AGBL1: variants seen among roughly 807,000 people sequenced by gnomAD.
AGBL1 encodes the protein AGBL carboxypeptidase 1, also known as cytosolic carboxypeptidase 4.
A neutral mutation model predicts 118.9 loss-of-function variants in AGBL1; 130 were observed. That is an observed-to-expected ratio of 1.09 (90% CI 0.95 to 1.26). The LOEUF is 1.26. AGBL1 is among the 50% of genes most tolerant of loss of function. The probability of loss-of-function intolerance (pLI) is 0.00; values close to 1 mark genes in which losing one functional copy is unlikely to be tolerated. For synonymous variants in AGBL1, 555 were observed against 478.9 expected (o/e 1.16, Z -2.08); for missense variants, 1,584 against 1,298.1 (o/e 1.22, Z -3.38).
intron 21 of AGBL1, among the ~76,000 whole-genome samples, chr15:86,644,625 T>C (rs908416034): frequency 6.9e-6 from 1 of 145,300 alleles, no homozygotes; most frequent in African/African-American, 2.6e-5. Context: ...ATAAAACAAT[T>C]GGCCTGAACT....
At chr15:86,441,751 GTAA>G (rs2082067174) in intron 18 of AGBL1, among the ~76,000 whole-genome samples, 1 of 152,210 alleles carries the variant, frequency 6.6e-6, no homozygotes, top group Non-Finnish European at 1.5e-5. Flanking sequence ...AGAGATGAAT[GTAA>G]TAATAATGGA....
intron 7 of AGBL1, among the ~76,000 whole-genome samples, chr15:86,254,748 G>T (rs2068296105): frequency 2.0e-5 from 3 of 152,136 alleles, no homozygotes; most frequent in South Asian, 4.1e-4. Flanking sequence ...GAGAGCAAGT[G>T]CTTCCTGGGA....
At chr15:87,007,383 A>T (rs1207651832) in intron 24 of AGBL1, among the ~76,000 whole-genome samples, 2 of 152,226 alleles carry the variant, frequency 1.3e-5, no homozygotes, top group East Asian at 3.8e-4. Context: ...TTTTAGCTAA[A>T]CTATTTCCTC....
At chr15:86,781,872 G>A (rs1451054474) in intron 22 of AGBL1, among the ~76,000 whole-genome samples, 2 of 146,146 alleles carry the variant, frequency 1.4e-5, no homozygotes, top group African/African-American at 2.7e-5. Context: ...GAACAAGCAT[G>A]AGAGGTTTTG....
At chr15:86,905,198 G>A (rs933183827) in intron 22 of AGBL1, among the ~76,000 whole-genome samples, 3 of 152,192 alleles carry the variant, frequency 2.0e-5, no homozygotes, top group South Asian at 2.1e-4. Context: ...CAACAAGTAC[G>A]ACTTGACAAC....
intron 21 of AGBL1, among the ~76,000 whole-genome samples, chr15:86,586,061 C>T (rs1827220312): frequency 1.3e-5 from 2 of 152,192 alleles, no homozygotes; most frequent in Non-Finnish European, 2.9e-5. Context: ...CGAATAGAAC[C>T]ATGAATTCAG....
intron 21 of AGBL1, among the ~76,000 whole-genome samples, chr15:86,598,704 C>A (rs2084446293): frequency 6.6e-6 from 1 of 152,058 alleles, no homozygotes; most frequent in South Asian, 2.1e-4. Context: ...TCTGCACAAG[C>A]AATGGGTCAA....
At chr15:86,470,016 T>C (rs2082458957) in intron 18 of AGBL1, among the ~76,000 whole-genome samples, 2 of 152,190 alleles carry the variant, frequency 1.3e-5, no homozygotes, top group African/African-American at 4.8e-5. Flanking sequence ...TCCCCCATTC[T>C]GTAGGTTGTT....
In AGBL1 at chr15:86,629,897, G is replaced by C. The variant is rs566903101; in HGVS notation, c.2995-44376G>C. 7.2e-5 allele frequency among the ~76,000 whole-genome samples: 11 copies of C among 152,286 alleles called. No individual in the cohort carries two copies. In the East Asian group the frequency reaches 1.9e-3, roughly 27 times the overall value. The stretch of plus-strand genomic sequence containing the variant: ...AGGAACAATTTGTATGGGGCTTCTG[G>C]TCATTACCCTTCTGTTATAACTCTC... On this transcript the variant is annotated intron_variant, in intron 21 of 22. Transcript: ENST00000614907.
chr15:86,544,488 A>G (rs1022984424), intron 19 of AGBL1, among the ~76,000 whole-genome samples: 1 of 152,192 alleles, frequency 6.6e-6, no homozygotes, highest in Non-Finnish European at 1.5e-5. Context: ...TTTGTAAAGG[A>G]AAGAGGTTTA....
At chr15:86,523,095 G>T in intron 19 of AGBL1, 156 bp downstream of exon 19, 1 of 881,300 alleles carries the variant, frequency 1.1e-6, no homozygotes, top group Non-Finnish European at 1.8e-6. Flanking sequence ...TTCCTGGGCT[G>T]CTGTACCAAA....
At chr15:86,575,131 G>A (rs749316501) in intron 21 of AGBL1, among the ~76,000 whole-genome samples, 12 of 152,082 alleles carry the variant, frequency 7.9e-5, no homozygotes, top group South Asian at 4.2e-4. Context: ...GGAGGTGACC[G>A]TGAGCCAAGA....
intron 21 of AGBL1, among the ~76,000 whole-genome samples, chr15:86,604,882 G>T (rs1159858398): frequency 2.1e-5 from 3 of 145,698 alleles, no homozygotes; most frequent in Non-Finnish European, 3.0e-5. Context: ...TGCAACCTCC[G>T]CCTCCTGGGT....
intron 17 of AGBL1, among the ~76,000 whole-genome samples, chr15:86,361,669 A>G (rs1373856935): frequency 6.6e-6 from 1 of 152,070 alleles, no homozygotes; most frequent in Non-Finnish European, 1.5e-5. Flanking sequence ...TTATCTTTCT[A>G]TTGAATGGAT....
chr15:86,838,543 C>A (rs58516930), intron 22 of AGBL1, among the ~76,000 whole-genome samples: 1 of 152,264 alleles, frequency 6.6e-6, no homozygotes, highest in Admixed American at 6.5e-5. Context: ...TCACCATGAT[C>A]TAAGGCTGGG....
chr15:86,424,806 TC>T (rs1345309855), intron 18 of AGBL1, among the ~76,000 whole-genome samples: 2 of 152,196 alleles, frequency 1.3e-5, no homozygotes, highest in Non-Finnish European at 2.9e-5. Flanking sequence ...TCATCACTGG[TC>T]ATTAGAGAAA....
chr15:86,467,247 C>T (rs1169163885), intron 18 of AGBL1, among the ~76,000 whole-genome samples: 1 of 152,188 alleles, frequency 6.6e-6, no homozygotes, highest in African/African-American at 2.4e-5. Flanking sequence ...CCAGTCCGAA[C>T]TTCCTGATGG....
At chr15:86,821,463 A>C (rs534473511) in intron 22 of AGBL1, among the ~76,000 whole-genome samples, 1 of 152,310 alleles carries the variant, frequency 6.6e-6, no homozygotes, top group African/African-American at 2.4e-5. Flanking sequence ...AAAAAACTGA[A>C]AGTAATTCCA....
chr15:86,616,673 T>TA (rs1218020802), intron 21 of AGBL1, among the ~76,000 whole-genome samples: 1 of 152,208 alleles, frequency 6.6e-6, no homozygotes, highest in Non-Finnish European at 1.5e-5. Flanking sequence ...GAAATATTGT[T>TA]ATACTTGGCT....
Sources: gnomAD v4.1 joint callset for allele counts (sites outside exome capture counted in the v4.1 genomes callset) on GRCh38, gnomAD v4.1.1 for gene constraint, MANE v1.5 for transcripts, NCBI Gene and HGNC (gene_info 2026-07-23, HGNC 2026-07-21) for gene names.